Variants in COPG2 observed in about 807,000 individuals in gnomAD.
The protein encoded by COPG2 is coatomer subunit gamma-2.
Under a neutral mutation model 46.3 loss-of-function variants are expected in COPG2, and 37 were observed. The observed-to-expected ratio is 0.80, with a 90% CI of 0.61 to 1.05. The LOEUF is 1.05. Among genes scored for constraint, COPG2 ranks in the 50% least tolerant of loss-of-function variants. The probability of loss-of-function intolerance (pLI) is 0.00; values close to 1 mark genes in which losing one functional copy is unlikely to be tolerated. For missense variants in COPG2, 427 were observed against 387.8 expected, an observed-to-expected ratio of 1.10 and a Z score of -0.85; for synonymous variants, 159 against 129.7, an observed-to-expected ratio of 1.23 and a Z score of -1.53.
At chr7:130,543,328 T>G (rs1793374622) in intron 20 of COPG2, among the ~76,000 whole-genome samples, 1 of 152,030 alleles carries the variant, frequency 6.6e-6, no homozygotes, top group South Asian at 2.1e-4. Context: ...GTTGGTAGGG[T>G]GGGTATTGTT....
At chr7:130,546,141 T>G (rs982578703) in intron 20 of COPG2, among the ~76,000 whole-genome samples, 3 of 151,916 alleles carry the variant, frequency 2.0e-5, no homozygotes, top group African/African-American at 7.3e-5. Flanking sequence ...AGGACATTGG[T>G]GAGAGGTAGA....
chr7:130,563,431 G>A (rs1324039894), intron 10 of COPG2, 95 bp from the exon 11 acceptor site: 2 of 383,782 alleles, frequency 5.2e-6, no homozygotes, highest in Admixed American at 8.9e-5. Flanking sequence ...TAGAAAAGTT[G>A]AAGAAGTAAA....
chr7:130,528,451 C>G (rs955535171), intron 20 of COPG2, among the ~76,000 whole-genome samples: 1 of 151,842 alleles, frequency 6.6e-6, no homozygotes, highest in Admixed American at 6.6e-5. Flanking sequence ...CAGTGCAGTA[C>G]GTGTGATGCA....
chr7:130,507,582 T>G, intron 22 of COPG2, 103 bp downstream of exon 22: 1 of 658,834 alleles, frequency 1.5e-6, no homozygotes, highest in South Asian at 1.8e-5. Context: ...AAGAGATTTA[T>G]GAAGTTTTTT....
Position 130,586,819 on chromosome 7 carries a change from T to C in COPG2, c.738-22426A>G, listed in dbSNP as rs189318718. 4.8e-3 allele frequency among the ~76,000 whole-genome samples: 724 copies of C among 152,120 alleles called. 9 individuals are homozygous for C. The highest frequency in any genetic ancestry group is 6.6e-3 in the Non-Finnish European group (450 of 67,972). ...TTTACAGCATCCTAAATGTGAATCT[T>C]TTCCTTCCTATCTATAAGTGGCACC... On this transcript the variant is annotated intron_variant, in intron 9 of 23. Transcript: ENST00000425248.
chr7:130,595,628 C>T (rs1305778246), intron 9 of COPG2, among the ~76,000 whole-genome samples: 3 of 152,142 alleles, frequency 2.0e-5, no homozygotes, highest in Non-Finnish European at 4.4e-5. Context: ...ACTAAATGAA[C>T]AAAACAAGAT....
chr7:130,591,682 T>C (rs1554448982), intron 9 of COPG2, among the ~76,000 whole-genome samples: 2 of 139,988 alleles, frequency 1.4e-5, no homozygotes, highest in Non-Finnish European at 1.6e-5. Flanking sequence ...TACTGGGAAG[T>C]GAGGAGCCCC....
intron 5 of COPG2, among the ~76,000 whole-genome samples, chr7:130,620,658 A>C (rs1471123337): frequency 6.6e-6 from 1 of 152,186 alleles, no homozygotes; most frequent in Non-Finnish European, 1.5e-5. Context: ...AGGTCCATAG[A>C]TAAAGAGGAA....
intron 20 of COPG2, chr7:130,546,982 A>G (rs1479251349): frequency 1.3e-5 from 2 of 152,218 alleles, no homozygotes; most frequent in African/African-American, 2.4e-5. Flanking sequence ...GAAGAAATCA[A>G]GGAGGAAAAT....
chr7:130,667,416 G>A, intron 2 of COPG2, 66 bp downstream of exon 2: 2 of 1,296,532 alleles, frequency 1.5e-6, no homozygotes, highest in Non-Finnish European at 2.2e-6. Flanking sequence ...GCAGCCCAGG[G>A]ATTCTCTGCC....
At chr7:130,563,001 T>G (rs1793741306) in intron 11 of COPG2, among the ~76,000 whole-genome samples, 1 of 152,192 alleles carries the variant, frequency 6.6e-6, no homozygotes, top group African/African-American at 2.4e-5. Context: ...TAATTTAAAT[T>G]GAAATAGCCA....
At chr7:130,594,881 T>C (rs1191113304) in intron 9 of COPG2, among the ~76,000 whole-genome samples, 1 of 152,164 alleles carries the variant, frequency 6.6e-6, no homozygotes, top group Non-Finnish European at 1.5e-5. Flanking sequence ...TTGGTGAGGA[T>C]GTGGAGAAAT....
chr7:130,636,493 T>G (rs1795338835), intron 5 of COPG2, among the ~76,000 whole-genome samples: 1 of 152,168 alleles, frequency 6.6e-6, no homozygotes, highest in Admixed American at 6.5e-5. Flanking sequence ...CTTTTGATCT[T>G]TGTTGGTTTA....
intron 20 of COPG2, among the ~76,000 whole-genome samples, chr7:130,538,785 C>T (rs1799909031): frequency 6.6e-6 from 1 of 152,090 alleles, no homozygotes. Flanking sequence ...TTCCTAGTGA[C>T]CACTGAGTCT....
chr7:130,662,080 G>A (rs563210399), intron 4 of COPG2, among the ~76,000 whole-genome samples: 4 of 152,222 alleles, frequency 2.6e-5, no homozygotes, highest in Admixed American at 6.5e-5. Flanking sequence ...CAAGTACCCC[G>A]AACTCCTAAA....
rs1266039626 is a variant in COPG2, at chr7:130,548,388, A to AG, written c.1977+14dup. On this transcript the variant is annotated intron_variant, in intron 19 of 23. Transcript: ENST00000425248. ...TTATACTAAATCTCTACAGCAGCCA[A>AG]GGGCATTATCTTACCTGGAACACGA... 1.3e-5 allele frequency: 5 copies of AG among 398,480 alleles called. No homozygotes were observed. Among genetic ancestry groups the AG allele is most frequent in the African/African-American group, 1.0e-4 (5 of 48,630 alleles). 24.7% of individuals were successfully genotyped at this position (398,480 alleles called of 1,614,324 possible).
intron 8 of COPG2, among the ~76,000 whole-genome samples, chr7:130,611,767 T>C (rs922003711): frequency 5.9e-5 from 9 of 152,298 alleles, no homozygotes; most frequent in South Asian, 2.1e-4. Flanking sequence ...TTTGACAAAA[T>C]GGTTTCAAAG....
At chr7:130,537,189 G>C (rs1265325644) in intron 20 of COPG2, among the ~76,000 whole-genome samples, 2 of 152,146 alleles carry the variant, frequency 1.3e-5, no homozygotes, top group Non-Finnish European at 2.9e-5. Context: ...AGAGGCAGAG[G>C]CTCCCCAGAG....
chr7:130,523,990 G>T (rs1347899241), intron 20 of COPG2, among the ~76,000 whole-genome samples: 1 of 152,108 alleles, frequency 6.6e-6, no homozygotes, highest in Admixed American at 6.5e-5. Flanking sequence ...GTAGGTGGAG[G>T]CGGGACAGGA....
Sources: allele counts gnomAD v4.1 joint callset (sites outside exome capture counted in the v4.1 genomes callset), GRCh38; gene constraint gnomAD v4.1.1; transcripts MANE v1.5; gene names NCBI Gene and HGNC (gene_info 2026-07-23, HGNC 2026-07-21).